The following SCAMP1 variants were observed in gnomAD, a reference collection of about 807,000 sequenced individuals.
SCAMP1 encodes secretory carrier membrane protein 1, also known as secretory carrier-associated membrane protein 1.
SCAMP1 carries 15 observed loss-of-function variants against 41.8 expected under a neutral mutation model. That is an observed-to-expected ratio of 0.36 (90% CI 0.24 to 0.55). SCAMP1 has a LOEUF of 0.55. SCAMP1 is among the 20% of genes least tolerant of loss of function. The pLI is 0.86. For missense variants in SCAMP1, 341 were observed against 412.6 expected, an observed-to-expected ratio of 0.83 and a Z score of 1.50; for synonymous variants, 135 against 136.8, an observed-to-expected ratio of 0.99 and a Z score of 0.09.
chr5:78,375,155 T>C (rs2112057387), intron 1 of SCAMP1, among the ~76,000 whole-genome samples: 1 of 152,262 alleles, frequency 6.6e-6, no homozygotes, highest in East Asian at 1.9e-4. Context: ...AATCAAATTG[T>C]CTAGTGTAAG....
chr5:78,441,000 C>T (rs1239859853), intron 6 of SCAMP1, among the ~76,000 whole-genome samples: 1 of 152,234 alleles, frequency 6.6e-6, no homozygotes, highest in African/African-American at 2.4e-5. Context: ...GCGTGGGACC[C>T]TCCGAGCCAG....
intron 6 of SCAMP1, among the ~76,000 whole-genome samples, chr5:78,423,011 C>T (rs2362828): frequency 0.76 from 114,659 of 151,276 alleles, 43,872 homozygotes; most frequent in African/African-American, 0.82. Flanking sequence ...AACACACGCG[C>T]GCGCGCACAC....
chr5:78,452,039 G>C (rs1441728635), intron 7 of SCAMP1, among the ~76,000 whole-genome samples: 3 of 152,138 alleles, frequency 2.0e-5, no homozygotes, highest in Non-Finnish European at 4.4e-5. Context: ...CATCAGTATT[G>C]TGTCCAGTTT....
At chr5:78,452,586 CATT>C (rs1367612308) in intron 7 of SCAMP1, among the ~76,000 whole-genome samples, 10 of 148,296 alleles carry the variant, frequency 6.7e-5, no homozygotes, top group Non-Finnish European at 1.5e-4. Context: ...TCCAGTCTAT[CATT>C]GTTGGACATT....
intron 2 of SCAMP1, among the ~76,000 whole-genome samples, chr5:78,391,160 C>A (rs1333496306): frequency 6.6e-6 from 1 of 152,224 alleles, no homozygotes; most frequent in Non-Finnish European, 1.5e-5. Context: ...TCTCAATGAG[C>A]TGTTGGGTAC....
At chr5:78,458,795 G>T (rs1366578486) in intron 7 of SCAMP1, among the ~76,000 whole-genome samples, 1 of 152,096 alleles carries the variant, frequency 6.6e-6, no homozygotes, top group Non-Finnish European at 1.5e-5. Flanking sequence ...TAGGAGAATC[G>T]CTTGAACCCA....
intron 1 of SCAMP1, among the ~76,000 whole-genome samples, chr5:78,386,260 A>G (rs993831579): frequency 6.6e-6 from 1 of 152,130 alleles, no homozygotes; most frequent in Non-Finnish European, 1.5e-5. Context: ...TTTGTCTGAT[A>G]TAAAAATAAC....
At chr5:78,467,700 T>C (rs1166502012) in intron 8 of SCAMP1, among the ~76,000 whole-genome samples, 1 of 152,184 alleles carries the variant, frequency 6.6e-6, no homozygotes, top group African/African-American at 2.4e-5. Flanking sequence ...ATAAGGAGTT[T>C]AGATGAGATG....
intron 2 of SCAMP1, among the ~76,000 whole-genome samples, chr5:78,394,499 A>G (rs1442423789): frequency 6.6e-6 from 1 of 152,182 alleles, no homozygotes; most frequent in Non-Finnish European, 1.5e-5. Context: ...GATTACAGGC[A>G]TGAACCACCA....
chr5:78,454,045 T>G (rs949223927), intron 7 of SCAMP1, among the ~76,000 whole-genome samples: 1 of 152,358 alleles, frequency 6.6e-6, no homozygotes, highest in Non-Finnish European at 1.5e-5. Context: ...ATCCTGAGAC[T>G]TTGCTGAAGT....
At chr5:78,459,219 T>C (rs1291330818) in intron 7 of SCAMP1, 26 bp from the exon 8 acceptor site, 1 of 1,061,002 alleles carries the variant, frequency 9.4e-7, no homozygotes, top group Non-Finnish European at 1.5e-6. Context: ...AACTTTTGCC[T>C]AATTACACTT....
intron 6 of SCAMP1, among the ~76,000 whole-genome samples, chr5:78,425,011 AAAG>A (rs577020752): frequency 7.1e-4 from 108 of 152,356 alleles, no homozygotes; most frequent in African/African-American, 2.6e-3. Context: ...TGTAGAGTTG[AAAG>A]AAGGATTAGA....
At chr5:78,391,706 G>T (rs1282404952) in intron 2 of SCAMP1, among the ~76,000 whole-genome samples, 1 of 152,214 alleles carries the variant, frequency 6.6e-6, no homozygotes, top group African/African-American at 2.4e-5. Flanking sequence ...CCGCACTCCA[G>T]CCTGGGCGCC....
At chr5:78,456,346 C>T (rs1031573718) in intron 7 of SCAMP1, among the ~76,000 whole-genome samples, 21 of 152,062 alleles carry the variant, frequency 1.4e-4, no homozygotes, top group African/African-American at 2.7e-4. Context: ...CCATGTTTAG[C>T]GTTTCCTTCA....
At chr5:78,464,706 C>T (rs916597103) in intron 8 of SCAMP1, among the ~76,000 whole-genome samples, 9 of 152,130 alleles carry the variant, frequency 5.9e-5, no homozygotes, top group Non-Finnish European at 1.3e-4. Flanking sequence ...TGTAAAAACA[C>T]ACTACATGCC....
At chr5:78,452,266 G>A (rs1371473690) in intron 7 of SCAMP1, among the ~76,000 whole-genome samples, 1 of 147,546 alleles carries the variant, frequency 6.8e-6, no homozygotes, top group African/African-American at 2.5e-5. Flanking sequence ...CATGTGCCAT[G>A]CTGGTGCGCT....
In SCAMP1 at chr5:78,416,470, A is replaced by C. The variant is rs1302776100; in HGVS notation, c.235-71A>C. ...GTTTCTCTCATAGTAGAGAAGTAGG[A>C]GTTAGCATATAAATGTTAAAGTATT... On this transcript the variant is annotated intron_variant, in intron 3 of 8. Transcript: ENST00000621999. 3 of 1,101,548 alleles carry C rather than the reference A, an allele frequency of 2.7e-6. No individual in the cohort carries two copies. In the Admixed American group the frequency reaches 7.5e-5, roughly 28 times the overall value. 68.2% of individuals were successfully genotyped at this position (1,101,548 alleles called of 1,614,324 possible). A position where few individuals can be genotyped will look rare whatever the true frequency, so the allele number is the denominator to read the frequency against.
chr5:78,441,318 T>G (rs1752918492), intron 6 of SCAMP1, among the ~76,000 whole-genome samples: 1 of 152,328 alleles, frequency 6.6e-6, no homozygotes, highest in Non-Finnish European at 1.5e-5. Context: ...GAGCTGTTCC[T>G]ATTTGGCCGT....
chr5:78,421,846 G>A lies in SCAMP1; in HGVS notation c.518G>A (p.Trp173Ter). The A allele has an allele frequency of 1.2e-6, 2 of 1,613,742 alleles. No homozygotes were observed. Among genetic ancestry groups the A allele is most frequent in the Non-Finnish European group, 1.7e-6 (2 of 1,179,768 alleles). The change falls in exon 6 of 9, where the codon TGG becomes TAG. Residue 173 changes from tryptophan (W) to a stop codon, truncating the protein, a stop_gained. Coordinates refer to ENST00000621999, the MANE Select transcript of SCAMP1 (RefSeq NM_004866.6). LOFTEE classifies it high-confidence loss of function. ...LFLNIFGCLA[W>*]FCVDSARAVD... ...CTAAATATCTTCGGATGCTTGGCTT[G>A]GTTTTGTGTTGATTCTGCAAGAGCG...
Sources: gnomAD v4.1 joint callset for allele counts (sites outside exome capture counted in the v4.1 genomes callset) on GRCh38, gnomAD v4.1.1 for gene constraint, MANE v1.5 for transcripts, NCBI Gene and HGNC (gene_info 2026-07-23, HGNC 2026-07-21) for gene names.